PUDP: variants seen among roughly 807,000 people sequenced by gnomAD.
PUDP encodes the protein pseudouridine 5'-phosphatase.
Under a neutral mutation model 9.4 loss-of-function variants are expected in PUDP, and 8 were observed. The ratio of observed to expected loss-of-function variants is 0.85; its 90% confidence interval spans 0.50 to 1.53. PUDP has a LOEUF of 1.53. PUDP is among the 40% of genes most tolerant of loss of function. The pLI, the probability that PUDP is intolerant of heterozygous loss-of-function variation, is 0.00. For missense variants in PUDP, 188 were observed against 189.7 expected (o/e 0.99, Z 0.05); for synonymous variants, 99 against 80.7 (o/e 1.23, Z -1.22).
intron 3 of PUDP, among the ~76,000 whole-genome samples, chrX:6,900,565 G>T (rs966130988): frequency 3.7e-5 from 4 of 107,799 alleles, no homozygotes. Context: ...GGGAGAGAAG[G>T]AGAGAGGGAG....
At chrX:7,146,670 G>C (rs1242240777) in intron 1 of PUDP, among the ~76,000 whole-genome samples, 3 of 110,175 alleles carry the variant, frequency 2.7e-5, no homozygotes, top group Non-Finnish European at 5.7e-5. Flanking sequence ...ACACTGCTAG[G>C]GAATTACCCA....
At chrX:6,807,345 C>T (rs1057103753) in intron 3 of PUDP, among the ~76,000 whole-genome samples, 1 of 111,682 alleles carries the variant, frequency 9.0e-6, no homozygotes, top group Non-Finnish European at 1.9e-5. Context: ...TAGGTAGCTC[C>T]AACATAATAG....
intron 1 of PUDP, among the ~76,000 whole-genome samples, chrX:6,719,330 A>T (rs912461061): frequency 1.8e-5 from 2 of 111,227 alleles, no homozygotes; most frequent in Non-Finnish European, 3.8e-5. Context: ...AACTCATTTG[A>T]ACCTAATTAC....
intron 1 of PUDP, among the ~76,000 whole-genome samples, chrX:7,043,701 G>A (rs1452793706): frequency 1.8e-5 from 2 of 111,266 alleles, no homozygotes; most frequent in East Asian, 5.7e-4. Context: ...TGAAGTTCAA[G>A]TAGTAAGAAT....
intron 3 of PUDP, among the ~76,000 whole-genome samples, chrX:6,811,232 G>C (rs781478355): frequency 9.0e-6 from 1 of 111,377 alleles, no homozygotes; most frequent in African/African-American, 3.3e-5. Context: ...GGGGAGGACT[G>C]ACTGATCTTG....
intron 3 of PUDP, among the ~76,000 whole-genome samples, chrX:6,976,641 T>G (rs987863101): frequency 2.7e-5 from 3 of 112,041 alleles, no homozygotes; most frequent in African/African-American, 9.7e-5. Context: ...GAGCTGTTCC[T>G]ATTCAGTCAT....
In PUDP at chrX:7,088,114, C is replaced by A. The variant is rs1390603166; in HGVS notation, c.281-10665G>T. 6.2e-5 allele frequency among the ~76,000 whole-genome samples: 7 copies of A among 112,146 alleles called. No homozygotes were observed. In the East Asian group the frequency reaches 1.9e-3, roughly 31 times the overall value. ...TCAAATAATAAAAATTAAAACAAAA[C>A]TATTTTTTTCAGCCATTGAAAATAA... On this transcript the variant is annotated intron_variant, in intron 2 of 3. Coordinates refer to ENST00000381077, the MANE Select transcript of PUDP (RefSeq NM_012080.5).
chrX:7,068,610 G>A (rs1363573171), intron 3 of PUDP, among the ~76,000 whole-genome samples: 1 of 112,317 alleles, frequency 8.9e-6, no homozygotes, highest in East Asian at 2.8e-4. Context: ...GATGGATAAA[G>A]GAGGTTGCTG....
intron 3 of PUDP, among the ~76,000 whole-genome samples, chrX:6,821,565 CT>C (rs770598581): frequency 8.9e-6 from 1 of 111,769 alleles, no homozygotes; most frequent in African/African-American, 3.2e-5. Context: ...ATTTTCTGAC[CT>C]TCCCCAAAGC....
intron 3 of PUDP, among the ~76,000 whole-genome samples, chrX:6,767,728 T>G (rs1411858211): frequency 8.9e-6 from 1 of 112,203 alleles, no homozygotes; most frequent in East Asian, 2.8e-4. Context: ...GAATGAGGAA[T>G]GGGATTCGAG....
At chrX:7,075,953 C>T (rs1429937492) in intron 3 of PUDP, among the ~76,000 whole-genome samples, 3 of 110,943 alleles carry the variant, frequency 2.7e-5, no homozygotes, top group Non-Finnish European at 5.7e-5. Context: ...GTGCAATGGG[C>T]GTCTTGTGGG....
intron 3 of PUDP, among the ~76,000 whole-genome samples, chrX:6,727,109 C>A (rs1924748209): frequency 9.0e-6 from 1 of 110,998 alleles, no homozygotes; most frequent in African/African-American, 3.3e-5. Flanking sequence ...ATAATGCTAA[C>A]ACACAGGTAA....
intron 3 of PUDP, among the ~76,000 whole-genome samples, chrX:6,950,352 A>T (rs1424296605): frequency 9.4e-6 from 1 of 106,612 alleles, no homozygotes; most frequent in Non-Finnish European, 1.9e-5. Context: ...AAAAAAAAAA[A>T]AAGATGGAGT....
At chrX:7,147,132 C>G (rs1214239958) in intron 1 of PUDP, among the ~76,000 whole-genome samples, 5 of 111,065 alleles carry the variant, frequency 4.5e-5, no homozygotes, top group African/African-American at 1.6e-4. Context: ...CTAAGACTGA[C>G]TACCTTAGTA....
intron 1 of PUDP, among the ~76,000 whole-genome samples, chrX:7,042,131 C>T (rs968543569): frequency 3.7e-5 from 4 of 109,069 alleles, no homozygotes; most frequent in Non-Finnish European, 7.6e-5. Flanking sequence ...ATCTTTTCAT[C>T]TAGTAAGACC....
chrX:7,112,890 T>TG (rs1394095815), intron 1 of PUDP: 22 of 112,035 alleles, frequency 2.0e-4, no homozygotes, highest in African/African-American at 7.1e-4. Flanking sequence ...CTTGAACTCC[T>TG]GGCCTGGAGT....
chrX:6,751,896 T>A (rs775794528), intron 3 of PUDP, among the ~76,000 whole-genome samples: 2 of 111,326 alleles, frequency 1.8e-5, no homozygotes, highest in East Asian at 5.7e-4. Flanking sequence ...TGAGGCAGCA[T>A]CACCTGTGCT....
chrX:6,778,028 T>A (rs1925494353), intron 3 of PUDP, among the ~76,000 whole-genome samples: 1 of 111,853 alleles, frequency 8.9e-6, no homozygotes, highest in Non-Finnish European at 1.9e-5. Flanking sequence ...CTACAAGTAC[T>A]CTTTTTTCCA....
chrX:6,737,014 A>T (rs1260415424), intron 3 of PUDP, among the ~76,000 whole-genome samples: 1 of 111,622 alleles, frequency 9.0e-6, no homozygotes, highest in African/African-American at 3.3e-5. Context: ...CAGTTTTTTT[A>T]AAAAAGAGGA....
Sources: gnomAD v4.1 joint callset for allele counts (sites outside exome capture counted in the v4.1 genomes callset) on GRCh38, gnomAD v4.1.1 for gene constraint, MANE v1.5 for transcripts, NCBI Gene and HGNC (gene_info 2026-07-23, HGNC 2026-07-21) for gene names.